ELP3: variants seen among roughly 807,000 people sequenced by gnomAD.
The protein encoded by ELP3 is elongator complex protein 3.
A neutral mutation model predicts 74.9 loss-of-function variants in ELP3; 56 were observed. The ratio of observed to expected loss-of-function variants is 0.75; its 90% CI spans 0.60 to 0.93. The LOEUF (loss-of-function observed/expected upper bound fraction) is 0.93. ELP3 is among the 40% of genes least tolerant of loss of function. The pLI is 0.00. For synonymous variants in ELP3, 222 were observed against 239.8 expected (o/e 0.93, Z 0.68); for missense variants, 573 against 686.5 (o/e 0.83, Z 1.85).
upstream of ELP3, among the ~76,000 whole-genome samples, chr8:28,090,705 AG>A (rs1811030602): frequency 6.6e-6 from 1 of 151,968 alleles, no homozygotes; most frequent in Non-Finnish European, 1.5e-5. Context: ...ATGTGGGGTC[AG>A]GGGGCAACAC....
Position 28,189,975 on chromosome 8 carries a change from G to T in ELP3, c.*250G>T. The T allele has an allele frequency of 2.5e-6, 1 of 397,688 alleles. No homozygotes were observed. The highest frequency in any genetic ancestry group is 4.5e-5 in the South Asian group (1 of 22,196). The allele number at this position is 397,688 out of a possible 1,614,324, so 24.6% of individuals were successfully genotyped here. A position where few individuals can be genotyped will look rare whatever the true frequency, so the allele number is the denominator to read the frequency against. On this transcript the variant is annotated 3_prime_UTR_variant, in exon 15 of 15. Transcript: ENST00000256398. ...TTTTGAGGCTTAAATCATCTATCCA[G>T]TTTCTACATTTTGCATGAGGCCTGC...
At chr8:28,151,339 TA>T (rs1813635993) in intron 10 of ELP3, among the ~76,000 whole-genome samples, 4 of 152,218 alleles carry the variant, frequency 2.6e-5, no homozygotes, top group African/African-American at 9.7e-5. Flanking sequence ...CCTCTGTCCT[TA>T]AATTCTAGCT....
intron 8 of ELP3, among the ~76,000 whole-genome samples, chr8:28,130,353 G>C (rs1438912198): frequency 6.6e-6 from 1 of 152,146 alleles, no homozygotes; most frequent in Admixed American, 6.6e-5. Context: ...GATGTTAAAG[G>C]CCCCTTTATT....
chr8:28,093,848 A>C (rs745969732), intron 1 of ELP3, among the ~76,000 whole-genome samples: 7 of 152,226 alleles, frequency 4.6e-5, no homozygotes, highest in Non-Finnish European at 7.3e-5. Context: ...TGTTGTCAGA[A>C]TAATAGCTAC....
intron 7 of ELP3, among the ~76,000 whole-genome samples, chr8:28,113,987 G>C (rs1390685035): frequency 6.6e-6 from 1 of 152,028 alleles, no homozygotes; most frequent in Non-Finnish European, 1.5e-5. Context: ...GCATCATTTT[G>C]ACACCTTGTT....
intron 3 of ELP3, among the ~76,000 whole-genome samples, chr8:28,105,925 T>C (rs1177031386): frequency 6.6e-6 from 1 of 152,230 alleles, no homozygotes; most frequent in Non-Finnish European, 1.5e-5. Context: ...ACCCAGACCC[T>C]GAAACATGAA....
chr8:28,185,340 A>AT (rs895059200), intron 14 of ELP3, among the ~76,000 whole-genome samples: 16 of 151,528 alleles, frequency 1.1e-4, no homozygotes, highest in Admixed American at 3.3e-4. Context: ...CATAGAGCCA[A>AT]TTTTTTTTTC....
At chr8:28,128,627 G>C (rs1466744109) in intron 7 of ELP3, among the ~76,000 whole-genome samples, 1 of 152,198 alleles carries the variant, frequency 6.6e-6, no homozygotes, top group Non-Finnish European at 1.5e-5. Flanking sequence ...TATTAGCTCT[G>C]TGCCCTTGAA....
intron 14 of ELP3, among the ~76,000 whole-genome samples, chr8:28,170,055 CA>C (rs1353214726): frequency 6.6e-6 from 1 of 152,168 alleles, no homozygotes. Flanking sequence ...ACCTCACCCT[CA>C]GGGGGAAGGG....
At chr8:28,138,095 A>T (rs1488312300) in intron 10 of ELP3, among the ~76,000 whole-genome samples, 1 of 152,184 alleles carries the variant, frequency 6.6e-6, no homozygotes, top group Non-Finnish European at 1.5e-5. Context: ...TTATCTACCC[A>T]TTCATTCATG....
chr8:28,135,096 T>C (rs901972025), intron 9 of ELP3, among the ~76,000 whole-genome samples: 6 of 152,104 alleles, frequency 3.9e-5, no homozygotes, highest in African/African-American at 9.7e-5. Context: ...ACCTGGCTAA[T>C]TTTTTGTATT....
At chr8:28,164,889 T>C (rs1234649385) in intron 14 of ELP3, among the ~76,000 whole-genome samples, 2 of 152,152 alleles carry the variant, frequency 1.3e-5, no homozygotes, top group Non-Finnish European at 2.9e-5. Flanking sequence ...AGTACAGTGA[T>C]GTGTGTGCGT....
At chr8:28,151,124 A>G (rs1257853547) in intron 10 of ELP3, among the ~76,000 whole-genome samples, 1 of 151,906 alleles carries the variant, frequency 6.6e-6, no homozygotes, top group African/African-American at 2.4e-5. Flanking sequence ...ATTCTGTTCT[A>G]TTTCTTTCAG....
rs138805402 is a variant in ELP3, at chr8:28,176,206, T to G, written c.1568-13443T>G. On this transcript the variant is annotated intron_variant, in intron 14 of 14. Coordinates refer to ENST00000256398, the MANE Select transcript of ELP3 (RefSeq NM_018091.6). ...ACTGAAATTTCTGTTCTTATCTCTATGATCAGCCTGTGACCTGAGAGGGAT... is the reference window on the plus strand; with the variant it reads ...ACTGAAATTTCTGTTCTTATCTCTAGGATCAGCCTGTGACCTGAGAGGGAT... 7.5e-3 allele frequency among the ~76,000 whole-genome samples: 1,148 copies of G among 152,282 alleles called. 11 individuals are homozygous for G. Among genetic ancestry groups the G allele is most frequent in the Middle Eastern group, 0.027 (8 of 294 alleles).
At chr8:28,119,027 AC>A (rs1291153037) in intron 7 of ELP3, 1 of 152,202 alleles carries the variant, frequency 6.6e-6, no homozygotes, top group Non-Finnish European at 1.5e-5. Context: ...AGCAAAAGGA[AC>A]CTACAGAGAC....
At chr8:28,153,417 A>G (rs1260259131) in intron 10 of ELP3, among the ~76,000 whole-genome samples, 3 of 152,232 alleles carry the variant, frequency 2.0e-5, no homozygotes, top group African/African-American at 4.8e-5. Flanking sequence ...GTTTCAAAGT[A>G]TGCTGTTTAG....
Position 28,140,067 on chromosome 8 carries a change from T to A in ELP3, c.1100+2176T>A, listed in dbSNP as rs935200518. Reference sequence around the variant, plus strand: ...CCATGGATTTTGGTGTCTTTGGGAGTCCTAGAACCAATCCCCTTTGGATAC... The same window carrying A: ...CCATGGATTTTGGTGTCTTTGGGAGACCTAGAACCAATCCCCTTTGGATAC... On this transcript the variant is annotated intron_variant, in intron 10 of 14. Transcript: ENST00000256398. Among the ~76,000 whole-genome samples, 4 of 151,872 alleles carry A rather than the reference T, an allele frequency of 2.6e-5. No homozygotes were observed. The East Asian group carries it at 7.7e-4, about 29-fold the overall frequency.
intron 14 of ELP3, among the ~76,000 whole-genome samples, chr8:28,177,403 A>G (rs1012872609): frequency 1.3e-5 from 2 of 152,262 alleles, no homozygotes; most frequent in Non-Finnish European, 2.9e-5. Flanking sequence ...ATAAAGTCTC[A>G]TTTCAATAGC....
At chr8:28,156,297 T>C (rs932141933) in intron 11 of ELP3, among the ~76,000 whole-genome samples, 2 of 152,216 alleles carry the variant, frequency 1.3e-5, no homozygotes, top group African/African-American at 2.4e-5. Context: ...AAAAACAGTT[T>C]TTCTTTTGAA....
Sources: gnomAD v4.1 joint callset for allele counts (sites outside exome capture counted in the v4.1 genomes callset) on GRCh38, gnomAD v4.1.1 for gene constraint, MANE v1.5 for transcripts, NCBI Gene and HGNC (gene_info 2026-07-23, HGNC 2026-07-21) for gene names.